The following SLCO4A1 variants were observed in gnomAD, a reference collection of about 807,000 sequenced individuals.
The protein encoded by SLCO4A1 is colon organic anion transporter.
A neutral mutation model predicts 64.6 loss-of-function variants in SLCO4A1; 51 were observed. That is an observed-to-expected ratio of 0.79 (90% CI 0.63 to 1.00). The LOEUF is 1.00. Ranked by LOEUF, SLCO4A1 falls within the 50% of genes least tolerant of loss-of-function variation. The pLI, the probability that SLCO4A1 is intolerant of heterozygous loss-of-function variation, is 0.00. For missense variants in SLCO4A1, 919 were observed against 980.5 expected (o/e 0.94, Z 0.84); for synonymous variants, 471 against 444.9 (o/e 1.06, Z -0.74).
Position 62,661,223 on chromosome 20 carries a change from T to C in SLCO4A1, c.1121+48T>C, listed in dbSNP as rs1401519265. 1 of 1,339,770 alleles carries C rather than the reference T, an allele frequency of 7.5e-7. No homozygotes were observed. The highest frequency in any genetic ancestry group is 1.4e-5 in the African/African-American group (1 of 69,690). The allele number at this position is 1,339,770 out of a possible 1,614,324, so 83.0% of individuals were successfully genotyped here. ...TTCCTAGTGTCCTCAGACCCTTTAA[T>C]GGTCCCCATCTTGGGGGAGTCGTTG... is the stretch of plus-strand genomic sequence containing the variant. On this transcript the variant is annotated intron_variant, in intron 5 of 11. Transcript: ENST00000217159. The surrounding 1 kb of genome is among the most constrained non-coding windows in gnomAD (Gnocchi z 5.2).
chr20:62,687,550 G>A (rs1988106557), downstream of SLCO4A1, among the ~76,000 whole-genome samples: 1 of 152,278 alleles, frequency 6.6e-6, no homozygotes, highest in South Asian at 2.1e-4. Context: ...GGCCACGCCA[G>A]GAGGCAGCGC....
intron 6 of SLCO4A1, chr20:62,665,481 T>C (rs1034559268): frequency 1.2e-5 from 2 of 172,850 alleles, no homozygotes; most frequent in Admixed American, 6.1e-5. Context: ...AGGCTGGCCT[T>C]CCCAGGCTGG....
At chr20:62,653,902 A>T (rs1287574986) in intron 1 of SLCO4A1, among the ~76,000 whole-genome samples, 1 of 114,502 alleles carries the variant, frequency 8.7e-6, no homozygotes, top group African/African-American at 3.2e-5. Context: ...GGGTGGGGGG[A>T]GGGGGGAGGG....
chr20:62,648,271 GT>G (rs1276891353), intron 1 of SLCO4A1, among the ~76,000 whole-genome samples: 1 of 152,250 alleles, frequency 6.6e-6, no homozygotes, highest in Non-Finnish European at 1.5e-5. Flanking sequence ...GAGGGGCGGG[GT>G]GGTTTGCGTT....
At chr20:62,667,514 G>C (rs981966801) in intron 7 of SLCO4A1, 40 of 577,920 alleles carry the variant, frequency 6.9e-5, no homozygotes, top group Non-Finnish European at 1.1e-4. Context: ...GGCGGACGGT[G>C]CTGGGGGGCA....
At chr20:62,658,287 A>T (rs1984114367) in intron 2 of SLCO4A1, among the ~76,000 whole-genome samples, 1 of 151,958 alleles carries the variant, frequency 6.6e-6, no homozygotes, top group Non-Finnish European at 1.5e-5. Context: ...AGCCTTCCAA[A>T]TCCCGGCCTG....
intron 1 of SLCO4A1, among the ~76,000 whole-genome samples, chr20:62,654,469 C>T (rs1164275572): frequency 1.3e-5 from 2 of 152,076 alleles, no homozygotes; most frequent in Non-Finnish European, 2.9e-5. Flanking sequence ...TGGGGTATCA[C>T]CCAGCCCAGG....
intron 3 of SLCO4A1, 26 bp downstream of exon 3, chr20:62,658,793 T>C: frequency 1.3e-6 from 2 of 1,550,458 alleles, no homozygotes; most frequent in South Asian, 2.3e-5. Flanking sequence ...CCCAGCTGCC[T>C]GCGCTGGAGA....
Position 62,657,254 on chromosome 20 carries a change from AGT to A in SLCO4A1, c.796+6_796+7del. 6.6e-7 allele frequency: 1 copy of A among 1,517,298 alleles called. No homozygotes were observed. The highest frequency in any genetic ancestry group is 2.5e-5 in the East Asian group (1 of 40,246). The allele number at this position is 1,517,298 out of a possible 1,614,324, so 94.0% of individuals were successfully genotyped here. A position where few individuals can be genotyped will look rare whatever the true frequency, so the allele number is the denominator to read the frequency against. On this transcript the variant is annotated splice_donor_5th_base_variant and intron_variant, in intron 2 of 11. Coordinates refer to ENST00000217159, the MANE Select transcript of SLCO4A1 (RefSeq NM_016354.4). ...AGCTGCTCGCCCGTCTACATTGGTGAGTGGGGCTGGCGGGGTAAGTGCTGGCA... is the reference window on the plus strand; with the variant it reads ...AGCTGCTCGCCCGTCTACATTGGTGAGGGGCTGGCGGGGTAAGTGCTGGCA...
intron 2 of SLCO4A1, among the ~76,000 whole-genome samples, chr20:62,677,716 T>C (rs1987658231): frequency 6.6e-6 from 1 of 152,206 alleles, no homozygotes; most frequent in Non-Finnish European, 1.5e-5. Context: ...TGGCAGGCGA[T>C]TGGGAGTGCC....
At chr20:62,660,665 G>A (rs907911085) in intron 4 of SLCO4A1, 132 bp downstream of exon 4, 36 of 1,144,230 alleles carry the variant, frequency 3.1e-5, no homozygotes, top group Middle Eastern at 2.0e-4. Context: ...CTCATTCTCA[G>A]TGTTCTTCCC....
At chr20:62,665,239 C>G in intron 6 of SLCO4A1, 151 bp downstream of exon 6, 5 of 800,730 alleles carry the variant, frequency 6.2e-6, no homozygotes, top group East Asian at 2.8e-5. Flanking sequence ...GAGAGCGCCA[C>G]GGGGGCTGAG....
At chr20:62,687,546 G>A (rs762137542), downstream of SLCO4A1, among the ~76,000 whole-genome samples, 17 of 152,248 alleles carry the variant, frequency 1.1e-4, no homozygotes, top group African/African-American at 2.7e-4. Flanking sequence ...CAAGGGCCAC[G>A]CCAGGAGGCA....
chr20:62,680,699 GC>G (rs1987786807), intron 2 of SLCO4A1, among the ~76,000 whole-genome samples: 1 of 152,064 alleles, frequency 6.6e-6, no homozygotes, highest in South Asian at 2.1e-4. Flanking sequence ...AGAATGTTAA[GC>G]CTGCCCCCCA....
downstream of SLCO4A1, among the ~76,000 whole-genome samples, chr20:62,675,506 A>G (rs542962149): frequency 6.6e-6 from 1 of 152,296 alleles, no homozygotes; most frequent in Non-Finnish European, 1.5e-5. Flanking sequence ...ACTCAGGCCC[A>G]GGGAGGAGAC....
At position 62,656,436 on chromosome 20, in the gene SLCO4A1, A is replaced by G. The variant is rs1429529604; in HGVS notation, c.-19A>G. 1 of 1,456,694 alleles carries G rather than the reference A, an allele frequency of 6.9e-7. No individual in the cohort carries two copies. The highest frequency in any genetic ancestry group is 9.1e-7 in the Non-Finnish European group (1 of 1,104,634). The allele number at this position is 1,456,694 out of a possible 1,614,324, so 90.2% of individuals were successfully genotyped here. Reference sequence around the variant, plus strand: ...ACTGCGTGGCTGAAGCCTCGAGGTCACCAGGCGGAGGCGCGGAGATGCCCC... The same window carrying G: ...ACTGCGTGGCTGAAGCCTCGAGGTCGCCAGGCGGAGGCGCGGAGATGCCCC... On this transcript the variant is annotated 5_prime_UTR_variant, in exon 2 of 12. Transcript: ENST00000217159.
chr20:62,668,468 C>G lies in SLCO4A1; in HGVS notation c.1812-9C>G, dbSNP rs1459791000. The G allele has an allele frequency of 6.2e-7, 1 of 1,613,834 alleles. No homozygotes were observed. The highest frequency in any genetic ancestry group is 1.1e-5 in the South Asian group (1 of 91,078). Reference sequence around the variant, plus strand: ...CTGTGGGTGCTGACGCTGTGGTTTTCTATTGCAGATGTGTCCGTGACCCTC... The same window carrying G: ...CTGTGGGTGCTGACGCTGTGGTTTTGTATTGCAGATGTGTCCGTGACCCTC... On this transcript the variant is annotated splice_polypyrimidine_tract_variant and intron_variant, in intron 9 of 11. Coordinates refer to ENST00000217159, the MANE Select transcript of SLCO4A1 (RefSeq NM_016354.4).
chr20:62,662,182 C>T (rs1317334688), intron 5 of SLCO4A1, among the ~76,000 whole-genome samples: 1 of 152,134 alleles, frequency 6.6e-6, no homozygotes, highest in Non-Finnish European at 1.5e-5. Flanking sequence ...CTGTCCACGG[C>T]AGAGAGGAGC....
At chr20:62,657,306 G>C in intron 2 of SLCO4A1, 56 bp downstream of exon 2, 3 of 1,441,912 alleles carry the variant, frequency 2.1e-6, no homozygotes, top group Non-Finnish European at 2.8e-6. Context: ...CAGTGTTGCA[G>C]GAGTGAGGGT....
Sources: allele counts gnomAD v4.1 joint callset (sites outside exome capture counted in the v4.1 genomes callset), GRCh38; gene constraint gnomAD v4.1.1; non-coding constraint Gnocchi (gnomAD v3.1); transcripts MANE v1.5; gene names NCBI Gene and HGNC (gene_info 2026-07-23, HGNC 2026-07-21).